The following PCDH15 variants were observed in gnomAD, a reference collection of about 807,000 sequenced individuals.
PCDH15 encodes the protein protocadherin related 15, also known as protocadherin-15.
PCDH15 carries 129 observed loss-of-function variants against 178.5 expected under a neutral mutation model. That is an observed-to-expected ratio of 0.72 (90% confidence interval 0.63 to 0.84). The LOEUF (loss-of-function observed/expected upper bound fraction) is 0.84. PCDH15 is among the 40% of genes least tolerant of loss of function. The pLI is 0.00. For missense variants in PCDH15, 2,230 were observed against 2,099.9 expected (o/e 1.06, Z -1.21); for synonymous variants, 800 against 732.0 (o/e 1.09, Z -1.50).
chr10:55,017,408 C>T (rs1840209998), intron 2 of PCDH15, among the ~76,000 whole-genome samples: 1 of 152,038 alleles, frequency 6.6e-6, no homozygotes, highest in African/African-American at 2.4e-5. Flanking sequence ...CAATATCTTC[C>T]CATCTATATA....
chr10:54,047,116 C>A (rs1323906882), intron 18 of PCDH15, among the ~76,000 whole-genome samples: 1 of 151,988 alleles, frequency 6.6e-6, no homozygotes, highest in Non-Finnish European at 1.5e-5. Context: ...GTTTGTGAGG[C>A]AAAATTACTT....
At chr10:55,370,377 T>C (rs1171248639) in intron 2 of PCDH15, among the ~76,000 whole-genome samples, 1 of 152,148 alleles carries the variant, frequency 6.6e-6, no homozygotes, top group African/African-American at 2.4e-5. Context: ...CTAGGGCTAA[T>C]ACACTTCAGT....
intron 2 of PCDH15, among the ~76,000 whole-genome samples, chr10:55,544,202 A>C (rs1191978320): frequency 6.9e-6 from 1 of 145,172 alleles, no homozygotes; most frequent in Non-Finnish European, 1.5e-5. Context: ...ATATATGCAT[A>C]TATGTAGCTG....
chr10:54,972,259 G>C (rs1202917637), intron 2 of PCDH15, among the ~76,000 whole-genome samples: 2 of 152,162 alleles, frequency 1.3e-5, no homozygotes, highest in Non-Finnish European at 2.9e-5. Context: ...AGAATACTTG[G>C]CTGGGCGTGG....
rs140428548 is a variant in PCDH15 at position 54,030,227 on chromosome 10, G to A, written c.2221-7030C>T. ...GTCCTTTACAGCGATTTAAGAGGTC[G>A]TGTACATCTTTCTCACTTTGAAGTG... On this transcript the variant is annotated intron_variant, in intron 18 of 37. Coordinates refer to ENST00000644397, the MANE Select transcript of PCDH15 (RefSeq NM_001384140.1). Among the ~76,000 whole-genome samples, 310 of 152,148 alleles carry A rather than the reference G, an allele frequency of 2.0e-3. 1 individual carries two copies. Among genetic ancestry groups the A allele is most frequent in the Non-Finnish European group, 3.7e-3 (250 of 68,008 alleles).
intron 1 of PCDH15, among the ~76,000 whole-genome samples, chr10:54,671,795 TCA>T (rs942926271): frequency 2.6e-5 from 4 of 152,126 alleles, no homozygotes; most frequent in Non-Finnish European, 4.4e-5. Context: ...AGTGTGACAG[TCA>T]CACCTAAAGT....
At chr10:54,033,964 AG>A (rs141594413) in intron 18 of PCDH15, among the ~76,000 whole-genome samples, 4,197 of 152,004 alleles carry the variant, frequency 0.028, 194 homozygotes, top group African/African-American at 0.097. Flanking sequence ...CTTCTGTCAC[AG>A]GGCTTTTCAT....
chr10:55,442,864 T>G (rs1032237684), intron 2 of PCDH15, among the ~76,000 whole-genome samples: 12 of 152,160 alleles, frequency 7.9e-5, no homozygotes, highest in Non-Finnish European at 1.3e-4. Flanking sequence ...AGTTTAGTGA[T>G]AATTGTGTAT....
At chr10:54,872,356 T>A (rs1272789685) in intron 3 of PCDH15, among the ~76,000 whole-genome samples, 1 of 151,978 alleles carries the variant, frequency 6.6e-6, no homozygotes, top group Non-Finnish European at 1.5e-5. Context: ...ATTCTGAAAA[T>A]AAAGGTCAAA....
intron 1 of PCDH15, among the ~76,000 whole-genome samples, chr10:54,717,445 G>T (rs2095494704): frequency 6.9e-6 from 1 of 144,286 alleles, no homozygotes; most frequent in African/African-American, 2.6e-5. Context: ...CAAAAAGTGG[G>T]CAAAGGACAT....
chr10:54,358,544 C>T (rs1251588843), intron 5 of PCDH15, among the ~76,000 whole-genome samples: 1 of 152,020 alleles, frequency 6.6e-6, no homozygotes, highest in East Asian at 1.9e-4. Context: ...GAAATAGGAA[C>T]ACTTTTACAC....
intron 3 of PCDH15, among the ~76,000 whole-genome samples, chr10:54,384,486 A>G (rs1949683524): frequency 6.6e-6 from 1 of 152,124 alleles, no homozygotes; most frequent in Non-Finnish European, 1.5e-5. Context: ...AAATGATTCG[A>G]TTCAGTAAAT....
intron 26 of PCDH15, among the ~76,000 whole-genome samples, chr10:53,878,215 A>AAAATAT (rs2080386560): frequency 7.8e-6 from 1 of 127,454 alleles, no homozygotes. Flanking sequence ...ACACACTTTG[A>AAAATAT]ATATATATAT....
chr10:54,998,170 T>C (rs896483398), intron 2 of PCDH15, among the ~76,000 whole-genome samples: 7 of 152,146 alleles, frequency 4.6e-5, no homozygotes, highest in Non-Finnish European at 1.0e-4. Context: ...AATTATGGAC[T>C]ATGGCAAAGT....
intron 2 of PCDH15, among the ~76,000 whole-genome samples, chr10:54,974,406 T>G (rs2131897159): frequency 6.6e-6 from 1 of 152,074 alleles, no homozygotes; most frequent in African/African-American, 2.4e-5. Context: ...AAGCTCTATT[T>G]ATGTTGATAC....
chr10:55,501,250 T>A (rs1840649686), intron 2 of PCDH15, among the ~76,000 whole-genome samples: 1 of 151,668 alleles, frequency 6.6e-6, no homozygotes, highest in Non-Finnish European at 1.5e-5. Context: ...CCTCAAAGGC[T>A]TTAAAGGGAG....
chr10:53,828,304 A>G (rs866800106), intron 31 of PCDH15, among the ~76,000 whole-genome samples: 2 of 150,846 alleles, frequency 1.3e-5, no homozygotes, highest in African/African-American at 4.9e-5. Context: ...TTTCCTGGAC[A>G]CTGATTAATT....
intron 1 of PCDH15, among the ~76,000 whole-genome samples, chr10:55,295,760 C>T (rs937932073): frequency 6.6e-6 from 1 of 151,576 alleles, no homozygotes; most frequent in African/African-American, 2.4e-5. Flanking sequence ...ATTTTTTTTC[C>T]CACACCAACC....
chr10:54,365,975 A>G (rs1411795083), intron 5 of PCDH15, among the ~76,000 whole-genome samples: 5 of 152,138 alleles, frequency 3.3e-5, no homozygotes, highest in African/African-American at 1.2e-4. Flanking sequence ...TTATGATATA[A>G]TACCATAAAT....
Sources: allele counts gnomAD v4.1 joint callset (sites outside exome capture counted in the v4.1 genomes callset), GRCh38; gene constraint gnomAD v4.1.1; transcripts MANE v1.5; gene names NCBI Gene and HGNC (gene_info 2026-07-23, HGNC 2026-07-21).